Variants in C1orf94 observed in about 807,000 individuals in gnomAD.
C1orf94 encodes chromosome 1 open reading frame 94.
C1orf94 carries 45 observed loss-of-function variants against 53.6 expected under a neutral mutation model. The ratio of observed to expected loss-of-function variants is 0.84; its 90% CI spans 0.66 to 1.08. C1orf94 has a LOEUF of 1.08. C1orf94 is among the 50% of genes least tolerant of loss of function. The pLI, the probability that C1orf94 is intolerant of heterozygous loss-of-function variation, is 0.00. For synonymous variants in C1orf94, 304 were observed against 296.1 expected (o/e 1.03, Z -0.27); for missense variants, 762 against 738.9 (o/e 1.03, Z -0.36).
chr1:34,204,548 G>A lies in C1orf94; in HGVS notation c.1446+2289G>A, dbSNP rs186368847. ...CTTGAAATGTCCTGTTCATTGATTC[G>A]CTGACTCCTTTACCAATATGATTCT... On this transcript the variant is annotated intron_variant, in intron 4 of 6. Coordinates refer to ENST00000488417, the MANE Select transcript of C1orf94 (RefSeq NM_001134734.2). Among the ~76,000 whole-genome samples, 24 of 152,174 alleles carry A rather than the reference G, an allele frequency of 1.6e-4. No individual in the cohort carries two copies. In the East Asian group the frequency reaches 2.9e-3, roughly 18 times the overall value.
chr1:34,194,300 T>C lies in C1orf94; in HGVS notation c.321-2925T>C, dbSNP rs139899178. On this transcript the variant is annotated intron_variant, in intron 1 of 6. Transcript: ENST00000488417. Reference sequence around the variant, plus strand: ...ATGCTCACAGTCTGACCTTGACAGATGAGGAATACAAGGTGTAGAAGGCAG... The same window carrying C: ...ATGCTCACAGTCTGACCTTGACAGACGAGGAATACAAGGTGTAGAAGGCAG... 1.4e-3 allele frequency among the ~76,000 whole-genome samples: 215 copies of C among 152,300 alleles called. 1 individual carries two copies. Among genetic ancestry groups the C allele is most frequent in the African/African-American group, 4.9e-3 (203 of 41,566 alleles).
chr1:34,202,075 G>A lies in C1orf94; in HGVS notation c.1271-9G>A, dbSNP rs1399881987. On this transcript the variant is annotated splice_polypyrimidine_tract_variant and intron_variant, in intron 3 of 6. Transcript: ENST00000488417. ...CACTGACCCGCTTTGCCTCTCCTGT[G>A]ACTTGCAGTTAACGCACCTGTGACG... 6 of 1,612,044 alleles carry A rather than the reference G, an allele frequency of 3.7e-6. No homozygotes were observed. Among genetic ancestry groups the A allele is most frequent in the Non-Finnish European group, 5.1e-6 (6 of 1,178,956 alleles).
At chr1:34,180,795 T>C (rs1393618480) in intron 1 of C1orf94, among the ~76,000 whole-genome samples, 1 of 152,230 alleles carries the variant, frequency 6.6e-6, no homozygotes, top group Non-Finnish European at 1.5e-5. Context: ...TTTGGTGGTG[T>C]TTTCTTGTAT....
intron 5 of C1orf94, 67 bp from the exon 6 acceptor site, chr1:34,212,143 G>C (rs1642899855): frequency 1.4e-6 from 2 of 1,423,558 alleles, no homozygotes; most frequent in South Asian, 2.8e-5. Context: ...GACTGGGGGT[G>C]GGTGGCTGGG....
At chr1:34,215,281 G>C (rs898637976) in intron 6 of C1orf94, among the ~76,000 whole-genome samples, 11 of 152,222 alleles carry the variant, frequency 7.2e-5, no homozygotes, top group African/African-American at 2.7e-4. Context: ...CAAACAGTGA[G>C]GGAGGGAGTG....
In C1orf94 at chr1:34,219,045, TG is replaced by T. The variant is rs760805230; in HGVS notation, c.*285del. 14 of 248,440 alleles carry T rather than the reference TG, an allele frequency of 5.6e-5. No homozygotes were observed. The highest frequency in any genetic ancestry group is 3.8e-5 in the Non-Finnish European group (5 of 131,232). The allele number at this position is 248,440 out of a possible 1,614,324, so 15.4% of individuals were successfully genotyped here. On this transcript the variant is annotated 3_prime_UTR_variant, in exon 7 of 7. Transcript: ENST00000488417. ...ATATTTAGCTAACATGAGTGATTTT[TG>T]TTTTTGTTTTTGTTGGTAAAATAGA... is the stretch of plus-strand genomic sequence containing the variant.
Position 34,200,828 on chromosome 1 carries a change from C to G in C1orf94, c.1066C>G (p.Gln356Glu). Reference protein sequence around the residue: ...KKGQGSLFLSQWPQSQKDACG... With the variant: ...KKGQGSLFLSEWPQSQKDACG... ...GGGTCAAGGGAGCCTCTTTCTCAGC[C>G]AGTGGCCCCAGAGCCAGAAGGACGC... The change falls in exon 3 of 7, where the codon CAG becomes GAG. Residue 356 changes from glutamine (Q) to glutamate (E), a missense_variant. Transcript: ENST00000488417. 1 of 1,614,174 alleles carries G rather than the reference C, an allele frequency of 6.2e-7. No individual in the cohort carries two copies. The highest frequency in any genetic ancestry group is 8.5e-7 in the Non-Finnish European group (1 of 1,180,026).
intron 1 of C1orf94, among the ~76,000 whole-genome samples, chr1:34,185,178 T>C (rs997636138): frequency 5.3e-5 from 8 of 151,980 alleles, no homozygotes; most frequent in Admixed American, 2.0e-4. Context: ...TACTTTATTT[T>C]TAAATTTATT....
At chr1:34,203,846 T>A (rs1229468247) in intron 4 of C1orf94, among the ~76,000 whole-genome samples, 1 of 152,228 alleles carries the variant, frequency 6.6e-6, no homozygotes, top group Non-Finnish European at 1.5e-5. Flanking sequence ...AAAAATTAAA[T>A]AAATGTCCAC....
chr1:34,172,684 A>C (rs1642166461), upstream of C1orf94, among the ~76,000 whole-genome samples: 1 of 152,360 alleles, frequency 6.6e-6, no homozygotes, highest in African/African-American at 2.4e-5. Flanking sequence ...TGGTGTTGCC[A>C]GGAGAGAGAA....
exon 1 of C1orf94, chr1:34,167,090 T>G (rs1192378718): frequency 6.6e-6 from 1 of 152,370 alleles, no homozygotes; most frequent in Non-Finnish European, 1.5e-5. Flanking sequence ...TCCCTTCCCA[T>G]TGTCCAGACT....
intron 2 of C1orf94, among the ~76,000 whole-genome samples, chr1:34,198,411 G>A (rs1421320943): frequency 1.3e-5 from 2 of 152,200 alleles, no homozygotes; most frequent in African/African-American, 2.4e-5. Context: ...AATTATCCAG[G>A]CATAGTGCAG....
intron 1 of C1orf94, among the ~76,000 whole-genome samples, chr1:34,190,349 A>G (rs1460768275): frequency 6.6e-6 from 1 of 152,054 alleles, no homozygotes; most frequent in Admixed American, 6.6e-5. Context: ...ATGCCTTAGC[A>G]TCACCTCCAA....
Position 34,217,446 on chromosome 1 carries a change from C to T in C1orf94, c.1722-1240C>T, listed in dbSNP as rs1393971380. ...AGTCAGAGTGGAAGGCAGGGTATCC[C>T]TATAATAACATCATTATGATTTCTG... On this transcript the variant is annotated intron_variant, in intron 6 of 6. Coordinates refer to ENST00000488417, the MANE Select transcript of C1orf94 (RefSeq NM_001134734.2). 3.3e-5 allele frequency among the ~76,000 whole-genome samples: 5 copies of T among 150,400 alleles called. No individual in the cohort carries two copies. The Admixed American group carries it at 3.3e-4, about 10-fold the overall frequency.
rs1571343903 is a variant in C1orf94 at position 34,197,430 on chromosome 1, G to C, written c.526G>C (p.Ala176Pro). The part of the protein sequence containing the change: ...LVAGSNERPR[A>P]SIIVGDKLLK... Reference sequence around the variant, plus strand: ...GGCAGGCAGTAATGAGCGCCCCAGAGCCTCCATCATTGTCGGAGACAAGCT... The same window carrying C: ...GGCAGGCAGTAATGAGCGCCCCAGACCCTCCATCATTGTCGGAGACAAGCT... Residue 176 changes from alanine (A) to proline (P), a missense_variant, in exon 2 of 7, where the codon GCC (alanine) becomes CCC (proline). Ala to Pro is a conservative substitution (Grantham distance 27). Coordinates refer to ENST00000488417, the MANE Select transcript of C1orf94 (RefSeq NM_001134734.2). The surrounding 1 kb of genome is among the most constrained non-coding windows in gnomAD (Gnocchi z 4.1). 8 of 1,613,880 alleles carry C rather than the reference G, an allele frequency of 5.0e-6. No homozygotes were observed. The highest frequency in any genetic ancestry group is 6.8e-6 in the Non-Finnish European group (8 of 1,179,914).
intron 5 of C1orf94, among the ~76,000 whole-genome samples, chr1:34,210,082 C>CA (rs1348881519): frequency 6.6e-6 from 1 of 152,150 alleles, no homozygotes; most frequent in African/African-American, 2.4e-5. Flanking sequence ...GAGCAGGCTA[C>CA]AAAGCTCTAC....
Position 34,204,153 on chromosome 1 carries a change from C to T in C1orf94, c.1446+1894C>T, listed in dbSNP as rs190600798. On this transcript the variant is annotated intron_variant, in intron 4 of 6. Transcript: ENST00000488417. ...CTATGTCCCTTCCCCGCTCTCCACT[C>T]CTAGGAACCCTATGTCATTCTTTCC... 5.1e-3 allele frequency among the ~76,000 whole-genome samples: 773 copies of T among 152,270 alleles called. 11 individuals are homozygous for T. The highest frequency in any genetic ancestry group is 5.0e-3 in the Non-Finnish European group (338 of 68,018).
chr1:34,200,917 A>G lies in C1orf94; in HGVS notation c.1155A>G (p.Lys385=). The part of the protein sequence containing the change: ...GTASLTLPPK[K]PTCPAEKNLL... ...CATCACTGACCCTGCCGCCCAAGAA[A>G]CCTACATGTCCAGCCGAGAAGAACT... Residue 385 remains lysine, a synonymous_variant, in exon 3 of 7, where the codon AAA becomes AAG. Transcript: ENST00000488417. The G allele has an allele frequency of 6.2e-7, 1 of 1,614,032 alleles. No individual in the cohort carries two copies. The highest frequency in any genetic ancestry group is 1.1e-5 in the South Asian group (1 of 91,060).
rs147712798 is a variant in C1orf94, at chr1:34,206,290, G to A, written c.1447-1867G>A. On this transcript the variant is annotated intron_variant, in intron 4 of 6. Coordinates refer to ENST00000488417, the MANE Select transcript of C1orf94 (RefSeq NM_001134734.2). ...AGGGGTGGATGGCATGGCCCATGCTGGGCATTCTGGAGACTGCTCAGTGCT... is the reference window on the plus strand; with the variant it reads ...AGGGGTGGATGGCATGGCCCATGCTAGGCATTCTGGAGACTGCTCAGTGCT... 3.9e-5 allele frequency among the ~76,000 whole-genome samples: 6 copies of A among 152,318 alleles called. No individual in the cohort carries two copies. In the East Asian group the frequency reaches 5.8e-4, roughly 15 times the overall value.
Sources: gnomAD v4.1 joint callset for allele counts (sites outside exome capture counted in the v4.1 genomes callset) on GRCh38, gnomAD v4.1.1 for gene constraint, Gnocchi (gnomAD v3.1) non-coding constraint, MANE v1.5 for transcripts, NCBI Gene and HGNC (gene_info 2026-07-23, HGNC 2026-07-21) for gene names.